Variants in CDH13 observed in about 807,000 individuals in gnomAD.
CDH13 encodes cadherin 13, also known as cadherin-13.
Under a neutral mutation model 63.8 loss-of-function variants are expected in CDH13, and 24 were observed. The observed-to-expected ratio is 0.38, with a 90% CI of 0.27 to 0.53. The LOEUF is 0.53. CDH13 is among the 20% of genes least tolerant of loss of function. The pLI is 0.85. For synonymous variants in CDH13, 503 were observed against 355.3 expected, an observed-to-expected ratio of 1.42 and a Z score of -4.67; for missense variants, 1,049 against 903.1, an observed-to-expected ratio of 1.16 and a Z score of -2.07.
chr16:83,067,725 T>A (rs774833068), intron 3 of CDH13, among the ~76,000 whole-genome samples: 1 of 152,106 alleles, frequency 6.6e-6, no homozygotes, highest in Non-Finnish European at 1.5e-5. Flanking sequence ...CAGAATAGGA[T>A]GAAGAAAAGC....
At chr16:83,010,097 T>A (rs377313712) in intron 2 of CDH13, among the ~76,000 whole-genome samples, 1 of 128,080 alleles carries the variant, frequency 7.8e-6, no homozygotes. Flanking sequence ...ATCACACCAT[T>A]GCACTCCAGG....
intron 2 of CDH13, among the ~76,000 whole-genome samples, chr16:82,909,267 TG>T (rs2041749717): frequency 6.7e-6 from 1 of 149,032 alleles, no homozygotes; most frequent in Admixed American, 6.6e-5. Context: ...TGTGTGTGTG[TG>T]TGTGTGTGTG....
chr16:83,420,734 G>C (rs976362959), intron 6 of CDH13, among the ~76,000 whole-genome samples: 13 of 152,194 alleles, frequency 8.5e-5, no homozygotes, highest in Non-Finnish European at 1.6e-4. Flanking sequence ...GAAGTCCATA[G>C]TGGCTCAGTC....
At chr16:83,546,445 A>G (rs1235702148) in intron 7 of CDH13, among the ~76,000 whole-genome samples, 3 of 147,752 alleles carry the variant, frequency 2.0e-5, no homozygotes, top group African/African-American at 7.4e-5. Context: ...TTTTTTTTTA[A>G]TCAAAGAAGA....
intron 1 of CDH13, among the ~76,000 whole-genome samples, chr16:82,638,823 T>TGTGTGTGTGTGTGTGTGCGCGC (rs139451683): frequency 3.3e-5 from 5 of 150,790 alleles, no homozygotes; most frequent in African/African-American, 1.2e-4. Flanking sequence ...GGGCAGTGTG[T>TGTGTGTGTGTGTGTGTGCGCGC]GCGTGTGTGC....
At chr16:82,884,983 G>A (rs1387864237) in intron 2 of CDH13, among the ~76,000 whole-genome samples, 3 of 152,124 alleles carry the variant, frequency 2.0e-5, no homozygotes, top group Admixed American at 1.3e-4. Context: ...TTAGTTGGGT[G>A]GACTTACCCA....
At chr16:83,045,183 A>C (rs1021733115) in intron 3 of CDH13, among the ~76,000 whole-genome samples, 4 of 152,182 alleles carry the variant, frequency 2.6e-5, no homozygotes, top group African/African-American at 9.7e-5. Flanking sequence ...AAATTAATAC[A>C]AAACTATGCA....
rs538494403 is a variant in CDH13 at position 83,117,819 on chromosome 16, T to C, written c.367-7566T>C. ...CCTGCCCCTCACTGTTTCAGGGGTCTCCCCTTTATTTCTGATATGTGTTCT... is the reference window on the plus strand; with the variant it reads ...CCTGCCCCTCACTGTTTCAGGGGTCCCCCCTTTATTTCTGATATGTGTTCT... On this transcript the variant is annotated intron_variant, in intron 3 of 13. Transcript: ENST00000567109. 4.0e-3 allele frequency among the ~76,000 whole-genome samples: 583 copies of C among 146,614 alleles called. 3 individuals carry two copies. Among genetic ancestry groups the C allele is most frequent in the African/African-American group, 0.014 (554 of 40,472 alleles).
At chr16:82,634,808 C>A (rs1475571018) in intron 1 of CDH13, among the ~76,000 whole-genome samples, 1 of 152,212 alleles carries the variant, frequency 6.6e-6, no homozygotes, top group South Asian at 2.1e-4. Flanking sequence ...GACTTTTCCT[C>A]CTAGGCCCCA....
At chr16:83,713,841 G>C (rs552863599) in intron 10 of CDH13, among the ~76,000 whole-genome samples, 1 of 152,306 alleles carries the variant, frequency 6.6e-6, no homozygotes, top group South Asian at 2.1e-4. Context: ...GGGCTATCAG[G>C]AATCTCTCTC....
chr16:83,403,736 G>C (rs886958999), intron 6 of CDH13, among the ~76,000 whole-genome samples: 3 of 152,144 alleles, frequency 2.0e-5, no homozygotes, highest in Non-Finnish European at 4.4e-5. Flanking sequence ...CTTGGCCCCA[G>C]GACATCCTGT....
chr16:83,413,715 C>T (rs187318595), intron 6 of CDH13, among the ~76,000 whole-genome samples: 5 of 152,264 alleles, frequency 3.3e-5, no homozygotes, highest in Admixed American at 1.3e-4. Flanking sequence ...CTGCAGTGCA[C>T]GGTGGCTCAT....
At chr16:83,377,560 C>G (rs2091481376) in intron 6 of CDH13, among the ~76,000 whole-genome samples, 1 of 152,092 alleles carries the variant, frequency 6.6e-6, no homozygotes, top group African/African-American at 2.4e-5. Flanking sequence ...TTTAATGTGC[C>G]CATTGGTGGT....
chr16:83,107,432 A>G (rs1432100708), intron 3 of CDH13, among the ~76,000 whole-genome samples: 2 of 152,188 alleles, frequency 1.3e-5, no homozygotes, highest in Non-Finnish European at 2.9e-5. Flanking sequence ...AATTTTTGAG[A>G]AAAAAATCCA....
At chr16:83,016,835 T>G (rs1251826066) in intron 2 of CDH13, among the ~76,000 whole-genome samples, 1 of 152,174 alleles carries the variant, frequency 6.6e-6, no homozygotes, top group African/African-American at 2.4e-5. Flanking sequence ...CAAAAGATGC[T>G]CATCTACATA....
chr16:83,727,124 T>C (rs909768918), intron 10 of CDH13, among the ~76,000 whole-genome samples: 1 of 152,160 alleles, frequency 6.6e-6, no homozygotes, highest in African/African-American at 2.4e-5. Flanking sequence ...CCCTCGATTT[T>C]AGAACATTTT....
intron 4 of CDH13, among the ~76,000 whole-genome samples, chr16:83,209,065 T>C (rs2039261586): frequency 6.6e-6 from 1 of 152,150 alleles, no homozygotes; most frequent in Non-Finnish European, 1.5e-5. Flanking sequence ...AGGTTCAAGA[T>C]GCCAAAGAGG....
intron 5 of CDH13, among the ~76,000 whole-genome samples, chr16:83,321,030 A>C (rs1392080636): frequency 6.6e-6 from 1 of 152,278 alleles, no homozygotes; most frequent in Non-Finnish European, 1.5e-5. Flanking sequence ...GTGATAGTTT[A>C]ATGAGAACTG....
chr16:83,789,440 A>G (rs1459416660), intron 13 of CDH13, among the ~76,000 whole-genome samples: 2 of 149,014 alleles, frequency 1.3e-5, no homozygotes, highest in East Asian at 2.0e-4. Flanking sequence ...TCTGCCTCCC[A>G]GGTTCAAGTG....
Sources: allele counts gnomAD v4.1 joint callset (sites outside exome capture counted in the v4.1 genomes callset), GRCh38; gene constraint gnomAD v4.1.1; transcripts MANE v1.5; gene names NCBI Gene and HGNC (gene_info 2026-07-23, HGNC 2026-07-21).